The following CUX1 variants were observed in gnomAD, a reference collection of about 807,000 sequenced individuals.
CUX1 encodes the protein cut like homeobox 1, also known as protein CASP.
Under a neutral mutation model 158.8 loss-of-function variants are expected in CUX1, and 31 were observed. That is an observed-to-expected ratio of 0.20 (90% CI 0.15 to 0.26). The LOEUF (loss-of-function observed/expected upper bound fraction) is 0.26, where lower values mean the gene tolerates loss of function less well. CUX1 is among the 10% of genes least tolerant of loss of function. The probability of loss-of-function intolerance (pLI) is 1.00; values close to 1 mark genes in which losing one functional copy is unlikely to be tolerated. For synonymous variants in CUX1, 879 were observed against 862.1 expected (o/e 1.02, Z -0.34); for missense variants, 1,589 against 2,014.6 (o/e 0.79, Z 4.04).
chr7:101,912,007 G>A (rs917433600), intron 1 of CUX1, among the ~76,000 whole-genome samples: 1 of 152,194 alleles, frequency 6.6e-6, no homozygotes, highest in Admixed American at 6.5e-5. Flanking sequence ...GAAGTGCCAG[G>A]TTCTGAGCCC....
chr7:102,068,550 T>C (rs953794567), intron 3 of CUX1, among the ~76,000 whole-genome samples: 4 of 152,190 alleles, frequency 2.6e-5, no homozygotes, highest in African/African-American at 9.7e-5. Flanking sequence ...TAGGCTGCTA[T>C]GTGTTCGATT....
intron 2 of CUX1, among the ~76,000 whole-genome samples, chr7:101,984,603 C>CCCTG (rs1814037822): frequency 6.6e-6 from 1 of 151,884 alleles, no homozygotes; most frequent in South Asian, 2.1e-4. Flanking sequence ...GCCACCCACA[C>CCCTG]CCTGGGTTGT....
upstream of CUX1, among the ~76,000 whole-genome samples, chr7:101,816,509 AGCGGGCGGCGGGGG>A (rs1424236209): frequency 1.5e-4 from 19 of 130,114 alleles, no homozygotes; most frequent in South Asian, 5.2e-4. Context: ...GGGAGCGGGG[AGCGGGCGGCGGGGG>A]GCGGGCGGCG....
chr7:101,913,368 C>G (rs1266019291), intron 1 of CUX1: 1 of 1,267,966 alleles, frequency 7.9e-7, no homozygotes, highest in African/African-American at 1.5e-5. Context: ...GGGCCGCAGA[C>G]CCCCGTTGAG....
At chr7:101,857,407 C>G (rs968668197) in intron 1 of CUX1, among the ~76,000 whole-genome samples, 2 of 152,218 alleles carry the variant, frequency 1.3e-5, no homozygotes, top group African/African-American at 4.8e-5. Flanking sequence ...CACAGAAAGG[C>G]CTTTCACCGC....
intron 1 of CUX1, among the ~76,000 whole-genome samples, chr7:101,909,836 A>T (rs1251717423): frequency 6.6e-6 from 1 of 152,252 alleles, no homozygotes; most frequent in Non-Finnish European, 1.5e-5. Context: ...GGCCCTGTGC[A>T]TCTGCAGAGA....
chr7:101,912,566 A>G (rs1424789664), intron 1 of CUX1, among the ~76,000 whole-genome samples: 4 of 152,134 alleles, frequency 2.6e-5, no homozygotes, highest in Admixed American at 2.0e-4. Flanking sequence ...GATACACACT[A>G]TGGAGTAAGT....
intron 14 of CUX1, 39 bp from the exon 15 acceptor site, chr7:102,196,595 G>T: frequency 1.4e-6 from 2 of 1,411,574 alleles, no homozygotes; most frequent in Non-Finnish European, 1.9e-6. Context: ...TCCCCCTTTG[G>T]AATCCCCCAT....
intron 2 of CUX1, among the ~76,000 whole-genome samples, chr7:102,001,318 T>C (rs938440246): frequency 6.6e-6 from 1 of 151,990 alleles, no homozygotes; most frequent in Non-Finnish European, 1.5e-5. Flanking sequence ...GTGTTCCTTG[T>C]CTTTTAACTG....
chr7:101,832,546 C>T (rs1212987220), intron 1 of CUX1, among the ~76,000 whole-genome samples: 4 of 152,152 alleles, frequency 2.6e-5, no homozygotes, highest in African/African-American at 9.7e-5. Flanking sequence ...CACACTTCGG[C>T]GTTGGACGTG....
intron 8 of CUX1, among the ~76,000 whole-genome samples, chr7:102,127,027 C>T (rs1486817261): frequency 1.3e-5 from 2 of 152,136 alleles, no homozygotes; most frequent in African/African-American, 4.8e-5. Flanking sequence ...GAATCTAATG[C>T]TGCTGCTCAT....
At chr7:101,941,090 G>A (rs2129138803) in intron 2 of CUX1, among the ~76,000 whole-genome samples, 1 of 152,318 alleles carries the variant, frequency 6.6e-6, no homozygotes, top group South Asian at 2.1e-4. Flanking sequence ...TTAAAGCTGG[G>A]GCATGTTGTC....
intron 7 of CUX1, among the ~76,000 whole-genome samples, chr7:102,112,732 G>A (rs1462265040): frequency 2.0e-5 from 3 of 151,752 alleles, no homozygotes; most frequent in African/African-American, 4.8e-5. Flanking sequence ...CATAATACCC[G>A]CCTAATTTTT....
At chr7:102,278,248 C>T (rs998706121) in intron 18 of CUX1, among the ~76,000 whole-genome samples, 5 of 152,134 alleles carry the variant, frequency 3.3e-5, no homozygotes, top group South Asian at 4.1e-4. Flanking sequence ...CTCCCTAAGC[C>T]GGGAGAAGCT....
In CUX1 at chr7:102,204,468, C is replaced by T; in HGVS notation, c.2985C>T (p.Gly995=). Residue 995 remains glycine, a synonymous_variant, in exon 19 of 24, where the codon GGC becomes GGT. Transcript: ENST00000292535. ...CATGGAGCAAGCTGACGCAGAAAGG[C>T]CGAGAACCCTTCATCCGGATGCAGC... is the stretch of plus-strand genomic sequence containing the variant. ...PKPWSKLTQK[G]REPFIRMQLW... 1 of 1,613,832 alleles carries T rather than the reference C, an allele frequency of 6.2e-7. No homozygotes were observed. The highest frequency in any genetic ancestry group is 8.5e-7 in the Non-Finnish European group (1 of 1,180,034).
chr7:101,846,628 G>A (rs369195646), intron 1 of CUX1, among the ~76,000 whole-genome samples: 1 of 152,002 alleles, frequency 6.6e-6, no homozygotes, highest in Non-Finnish European at 1.5e-5. Context: ...CTACCCAGCC[G>A]AACTCCTTTC....
At chr7:102,177,251 T>TA (rs1318571754) in intron 10 of CUX1, among the ~76,000 whole-genome samples, 2 of 151,462 alleles carry the variant, frequency 1.3e-5, no homozygotes, top group Non-Finnish European at 2.9e-5. Context: ...CCATCTCTAC[T>TA]AAAAATACAA....
At chr7:102,112,435 G>A (rs1554490436) in intron 7 of CUX1, among the ~76,000 whole-genome samples, 1 of 151,920 alleles carries the variant, frequency 6.6e-6, no homozygotes, top group African/African-American at 2.4e-5. Flanking sequence ...TAGAGACGAG[G>A]TTTCATCATG....
At chr7:101,925,860 C>G (rs1488078851) in intron 2 of CUX1, among the ~76,000 whole-genome samples, 1 of 152,102 alleles carries the variant, frequency 6.6e-6, no homozygotes, top group African/African-American at 2.4e-5. Context: ...TTGAGTCTAG[C>G]AGGAGATTGA....
Sources: allele counts gnomAD v4.1 joint callset (sites outside exome capture counted in the v4.1 genomes callset), GRCh38; gene constraint gnomAD v4.1.1; transcripts MANE v1.5; gene names NCBI Gene and HGNC (gene_info 2026-07-23, HGNC 2026-07-21).